The following ZMAT1 variants were observed in gnomAD, a reference collection of about 807,000 sequenced individuals.
ZMAT1 encodes zinc finger matrin-type 1, also known as zinc finger matrin-type protein 1.
A neutral mutation model predicts 18.5 loss-of-function variants in ZMAT1; 11 were observed. The observed-to-expected ratio is 0.59, with a 90% confidence interval of 0.37 to 0.98. The LOEUF is 0.98. Ranked by LOEUF, ZMAT1 falls within the 50% of genes least tolerant of loss-of-function variation. ZMAT1 has a pLI of 0.01. For missense variants in ZMAT1, 525 were observed against 496.2 expected (o/e 1.06, Z -0.55); for synonymous variants, 211 against 176.4 (o/e 1.20, Z -1.55).
intron 2 of ZMAT1, among the ~76,000 whole-genome samples, chrX:101,899,040 T>C (rs11796157): frequency 0.12 from 13,650 of 109,649 alleles, 877 homozygotes; most frequent in Non-Finnish European, 0.18. Context: ...AGAGACTCTG[T>C]CTCAAAAAAA....
chrX:101,903,084 T>C (rs756854693), intron 2 of ZMAT1, among the ~76,000 whole-genome samples: 10 of 111,932 alleles, frequency 8.9e-5, no homozygotes, highest in African/African-American at 2.9e-4. Flanking sequence ...AAAAGCTGTT[T>C]TTCCAATATA....
chrX:101,916,124 A>G (rs1929307626), intron 1 of ZMAT1, among the ~76,000 whole-genome samples: 1 of 111,304 alleles, frequency 9.0e-6, no homozygotes, highest in South Asian at 3.8e-4. Flanking sequence ...CATAATCCTC[A>G]GCAAACTAAC....
intron 5 of ZMAT1, among the ~76,000 whole-genome samples, chrX:101,885,118 G>T (rs1425465072): frequency 9.1e-6 from 1 of 110,355 alleles, no homozygotes; most frequent in Non-Finnish European, 1.9e-5. Context: ...ATGCAAAAAA[G>T]AAAAGGAAAT....
intron 1 of ZMAT1, among the ~76,000 whole-genome samples, chrX:101,930,226 T>A (rs1422850757): frequency 8.9e-6 from 1 of 112,010 alleles, no homozygotes; most frequent in East Asian, 2.8e-4. Flanking sequence ...CAAATTGAAT[T>A]GTGATCTTGA....
intron 1 of ZMAT1, among the ~76,000 whole-genome samples, chrX:101,914,550 T>C (rs980854430): frequency 9.0e-6 from 1 of 111,250 alleles, no homozygotes; most frequent in Non-Finnish European, 1.9e-5. Flanking sequence ...CAAAGGATCA[T>C]TAGTGTCTAC....
At chrX:101,911,944 G>T in intron 1 of ZMAT1, 1 of 1,204,955 alleles carries the variant, frequency 8.3e-7, no homozygotes, top group Non-Finnish European at 1.1e-6. Flanking sequence ...AGTCCTTTAG[G>T]CAGAGCACCC....
chrX:101,895,451 G>T (rs112871911), intron 4 of ZMAT1, among the ~76,000 whole-genome samples: 9 of 111,027 alleles, frequency 8.1e-5, no homozygotes, highest in African/African-American at 2.9e-4. Context: ...AGATGGACTT[G>T]TAAGTCCTTA....
At chrX:101,922,869 T>C (rs768287876) in intron 1 of ZMAT1, among the ~76,000 whole-genome samples, 2 of 111,665 alleles carry the variant, frequency 1.8e-5, no homozygotes, top group African/African-American at 3.2e-5. Flanking sequence ...CTGGTGACAA[T>C]ACAGATGTCT....
intron 1 of ZMAT1, among the ~76,000 whole-genome samples, chrX:101,923,419 T>C (rs1929854136): frequency 1.8e-5 from 2 of 111,616 alleles, no homozygotes; most frequent in South Asian, 3.7e-4. Flanking sequence ...TTGGAATATA[T>C]ACGGAAGCAA....
At chrX:101,911,730 C>G in intron 1 of ZMAT1, 1 of 1,208,560 alleles carries the variant, frequency 8.3e-7, no homozygotes, top group Admixed American at 2.2e-5. Flanking sequence ...AGGATCCACA[C>G]AGGAGAGAAA....
Position 101,904,411 on chromosome X carries a change from G to A in ZMAT1, c.293-81C>T, listed in dbSNP as rs1006612263. On this transcript the variant is annotated intron_variant, in intron 1 of 5. Transcript: ENST00000651725. The stretch of plus-strand genomic sequence containing the variant: ...CATTTTTCATTCCTCAACTATATAT[G>A]ATTTCATATGATACTTCAAATTTGA... 23 of 701,601 alleles carry A rather than the reference G, an allele frequency of 3.3e-5. No homozygotes were observed. The Admixed American group carries it at 6.9e-4, about 21-fold the overall frequency. 57.8% of individuals were successfully genotyped at this position (701,601 alleles called of 1,213,427 possible).
chrX:101,899,093 G>C (rs1339798294), intron 2 of ZMAT1, among the ~76,000 whole-genome samples: 3 of 110,830 alleles, frequency 2.7e-5, no homozygotes, highest in Non-Finnish European at 5.7e-5. Context: ...TGTCATATCA[G>C]CCCTCTACTA....
At chrX:101,896,292 A>G (rs1187545538) in intron 4 of ZMAT1, among the ~76,000 whole-genome samples, 1 of 112,174 alleles carries the variant, frequency 8.9e-6, no homozygotes, top group Non-Finnish European at 1.9e-5. Context: ...TCAGAATAAA[A>G]TCTATGCAGT....
intron 1 of ZMAT1, among the ~76,000 whole-genome samples, chrX:101,930,159 AT>A (rs996767758): frequency 4.0e-4 from 44 of 111,113 alleles, no homozygotes; most frequent in African/African-American, 1.2e-3. Context: ...AAAAAGCCAT[AT>A]TTTTTTTTCC....
At chrX:101,897,256 G>A (rs1279462352) in intron 4 of ZMAT1, among the ~76,000 whole-genome samples, 1 of 98,267 alleles carries the variant, frequency 1.0e-5, no homozygotes, top group Admixed American at 1.2e-4. Context: ...ACCAAACACC[G>A]CATATTCTCA....
chrX:101,907,063 A>G (rs898834586), intron 1 of ZMAT1, among the ~76,000 whole-genome samples: 11 of 111,690 alleles, frequency 9.8e-5, no homozygotes, highest in Admixed American at 6.6e-4. Flanking sequence ...TCATTTCAAT[A>G]ATCCAAGACA....
intron 1 of ZMAT1, among the ~76,000 whole-genome samples, chrX:101,906,255 A>C (rs913229707): frequency 9.0e-6 from 1 of 110,893 alleles, no homozygotes; most frequent in Admixed American, 9.5e-5. Context: ...TCTCCAGGTT[A>C]CTCCAACATC....
Position 101,892,718 on chromosome X carries a change from C to T in ZMAT1, c.676+5150G>A, listed in dbSNP as rs911833075. 14 of 745,939 alleles carry T rather than the reference C, an allele frequency of 1.9e-5. No individual in the cohort carries two copies. The East Asian group carries it at 1.5e-3, about 81-fold the overall frequency. 61.5% of individuals were successfully genotyped at this position (745,939 alleles called of 1,213,427 possible). On this transcript the variant is annotated intron_variant, in intron 4 of 5. Transcript: ENST00000651725. ...ATACATACATACTTTAGTTCCATAT[C>T]GTTATGGTAGCCATTCCTGTGCTAA...
chrX:101,922,713 A>G (rs1379410166), intron 1 of ZMAT1, among the ~76,000 whole-genome samples: 1 of 111,471 alleles, frequency 9.0e-6, no homozygotes, highest in Non-Finnish European at 1.9e-5. Context: ...CAGGCTTGAC[A>G]TATGTAAGAA....
Sources: gnomAD v4.1 joint callset for allele counts (sites outside exome capture counted in the v4.1 genomes callset) on GRCh38, gnomAD v4.1.1 for gene constraint, MANE v1.5 for transcripts, NCBI Gene and HGNC (gene_info 2026-07-23, HGNC 2026-07-21) for gene names.